Variants in GRIK3 observed in about 807,000 individuals in gnomAD.
GRIK3 encodes glutamate ionotropic receptor kainate type subunit 3.
A neutral mutation model predicts 102.5 loss-of-function variants in GRIK3; 29 were observed. The observed-to-expected ratio is 0.28, with a 90% CI of 0.21 to 0.39. The LOEUF (loss-of-function observed/expected upper bound fraction) is 0.39. Ranked by LOEUF, GRIK3 falls within the 10% of genes least tolerant of loss-of-function variation. The probability of loss-of-function intolerance (pLI) is 1.00; values close to 1 mark genes in which losing one functional copy is unlikely to be tolerated. For synonymous variants in GRIK3, 511 were observed against 504.9 expected (o/e 1.01, Z -0.16); for missense variants, 908 against 1,252.4 (o/e 0.73, Z 4.15).
chr1:36,872,271 A>G lies in GRIK3; in HGVS notation c.649T>C (p.Leu217=). 7 of 1,613,302 alleles carry G rather than the reference A, an allele frequency of 4.3e-6. No homozygotes were observed. Among genetic ancestry groups the G allele is most frequent in the Non-Finnish European group, 5.9e-6 (7 of 1,179,628 alleles). The change falls in exon 4 of 16, where the codon TTG becomes CTG. Residue 217 remains leucine (L), a synonymous_variant. Transcript: ENST00000373091. This position sits in a 1 kb window ranked among gnomAD's most constrained non-coding sequence, Gnocchi z 5.9. ...CGGCCTCGCTTCATCTCCTTGAGCAAGGGGCGCGAGTCGTCAGAGTCGATG... is the reference window on the plus strand; with the variant it reads ...CGGCCTCGCTTCATCTCCTTGAGCAGGGGGCGCGAGTCGTCAGAGTCGATG... ...LPIDSDDSRP[L]LKEMKRGREF...
At chr1:36,982,335 C>T (rs1642258565) in intron 1 of GRIK3, among the ~76,000 whole-genome samples, 1 of 152,206 alleles carries the variant, frequency 6.6e-6, no homozygotes, top group South Asian at 2.1e-4. Flanking sequence ...ACTGCTCCCA[C>T]AGCTTCTGGA....
At chr1:36,961,551 C>G (rs754194927) in intron 1 of GRIK3, among the ~76,000 whole-genome samples, 4 of 152,206 alleles carry the variant, frequency 2.6e-5, no homozygotes, top group Admixed American at 6.5e-5. Flanking sequence ...GCCCCAGGCA[C>G]AGCCCTGGGG....
intron 1 of GRIK3, among the ~76,000 whole-genome samples, chr1:36,943,090 T>C (rs910222357): frequency 1.3e-5 from 2 of 152,298 alleles, no homozygotes; most frequent in Admixed American, 1.3e-4. Context: ...TGTCCCTTTT[T>C]AGAGCTAAGG....
At chr1:36,812,065 G>A (rs969757424) in intron 13 of GRIK3, among the ~76,000 whole-genome samples, 4 of 152,094 alleles carry the variant, frequency 2.6e-5, no homozygotes, top group Non-Finnish European at 4.4e-5. Flanking sequence ...CTTGAAGGCA[G>A]GGCTAAGACT....
chr1:36,862,386 A>G (rs988987194), intron 5 of GRIK3, among the ~76,000 whole-genome samples: 7 of 151,912 alleles, frequency 4.6e-5, no homozygotes, highest in Non-Finnish European at 1.0e-4. Flanking sequence ...TCTATGTTCT[A>G]TGTCCTCGGT....
At chr1:36,882,051 C>T (rs966244098) in intron 2 of GRIK3, among the ~76,000 whole-genome samples, 6 of 152,098 alleles carry the variant, frequency 3.9e-5, no homozygotes, top group Admixed American at 1.3e-4. Context: ...GAGGCCTTCA[C>T]CGCACAATTT....
intron 1 of GRIK3, among the ~76,000 whole-genome samples, chr1:36,972,247 T>A (rs1642151220): frequency 1.3e-5 from 2 of 152,178 alleles, no homozygotes; most frequent in Admixed American, 1.3e-4. Flanking sequence ...ACTTCAGTGG[T>A]CTGGAACCTC....
At chr1:36,990,939 C>G (rs1302700785) in intron 1 of GRIK3, among the ~76,000 whole-genome samples, 1 of 152,198 alleles carries the variant, frequency 6.6e-6, no homozygotes, top group Non-Finnish European at 1.5e-5. Context: ...TTTACCTCCA[C>G]AGTCAGTGTG....
At chr1:36,883,878 C>T (rs900443410) in intron 2 of GRIK3, among the ~76,000 whole-genome samples, 1 of 152,234 alleles carries the variant, frequency 6.6e-6, no homozygotes, top group Non-Finnish European at 1.5e-5. Context: ...ACTCCCACTG[C>T]CTCCTGGAAA....
At chr1:37,017,471 T>C (rs1041260698) in intron 1 of GRIK3, among the ~76,000 whole-genome samples, 7 of 151,890 alleles carry the variant, frequency 4.6e-5, no homozygotes, top group Non-Finnish European at 8.8e-5. Flanking sequence ...CTTAAGAGTA[T>C]TCTTCACAAC....
intron 1 of GRIK3, among the ~76,000 whole-genome samples, chr1:37,022,199 G>C (rs1284836988): frequency 2.6e-5 from 4 of 152,224 alleles, no homozygotes; most frequent in African/African-American, 9.6e-5. Context: ...AGCCAGTGAT[G>C]TGGTAAAGAC....
chr1:36,954,568 G>T (rs1229821355), intron 1 of GRIK3, among the ~76,000 whole-genome samples: 1 of 152,192 alleles, frequency 6.6e-6, no homozygotes, highest in East Asian at 1.9e-4. Context: ...TTGGGGTGGG[G>T]ACGGGGGCTG....
chr1:36,816,052 A>C (rs1039666069), intron 13 of GRIK3, among the ~76,000 whole-genome samples: 1 of 152,130 alleles, frequency 6.6e-6, no homozygotes, highest in Non-Finnish European at 1.5e-5. Flanking sequence ...CCTGGCCTGC[A>C]AGCTGTGTTT....
chr1:36,831,932 C>T (rs1020438959), intron 10 of GRIK3, among the ~76,000 whole-genome samples: 2 of 152,148 alleles, frequency 1.3e-5, no homozygotes, highest in Non-Finnish European at 2.9e-5. Context: ...CCTCTTACCT[C>T]CGGATGCTGC....
intron 1 of GRIK3, among the ~76,000 whole-genome samples, chr1:36,917,976 T>TA (rs1194681559): frequency 2.6e-5 from 4 of 152,182 alleles, no homozygotes; most frequent in African/African-American, 9.7e-5. Flanking sequence ...AGCAGCTGCA[T>TA]TTGCAGAACT....
chr1:36,947,530 C>T (rs896013081), intron 1 of GRIK3, among the ~76,000 whole-genome samples: 2 of 152,168 alleles, frequency 1.3e-5, no homozygotes, highest in Non-Finnish European at 2.9e-5. Flanking sequence ...CCCCACCTTC[C>T]TGCCCTCCCT....
intron 11 of GRIK3, among the ~76,000 whole-genome samples, chr1:36,825,273 G>A (rs925826214): frequency 1.6e-4 from 24 of 152,124 alleles, no homozygotes; most frequent in African/African-American, 5.8e-4. Context: ...GCTGCACCAG[G>A]TGCCTAGCTC....
At chr1:37,020,034 C>T (rs559388346) in intron 1 of GRIK3, among the ~76,000 whole-genome samples, 11 of 152,348 alleles carry the variant, frequency 7.2e-5, no homozygotes, top group Middle Eastern at 6.8e-3. Flanking sequence ...GCAAGTGAAA[C>T]AATTCCTCTG....
Position 36,805,031 on chromosome 1 carries a change from C to A in GRIK3, c.2521G>T (p.Gly841Cys). 6.2e-7 allele frequency: 1 copy of A among 1,614,188 alleles called. No individual in the cohort carries two copies. The highest frequency in any genetic ancestry group is 2.2e-5 in the East Asian group (1 of 44,884). The change falls in exon 15 of 16, where the codon GGC (glycine) becomes TGC (cysteine). Residue 841 changes from glycine (G) to cysteine (C), a missense_variant. Gly to Cys is a radical substitution (Grantham distance 159). This residue lies in a region of GRIK3 where 297 missense variants were observed against 362.7 expected (regional missense o/e 0.82). Transcript: ENST00000373091. ...TTGCGGAGCTTGTACACAAACTCGC[C>A]CACGGCCACCAGCACAGAGAGGACC... is the stretch of plus-strand genomic sequence containing the variant. The part of the protein sequence containing the change: ...GLVLSVLVAV[G>C]EFVYKLRKTA...
Sources: gnomAD v4.1 joint callset for allele counts (sites outside exome capture counted in the v4.1 genomes callset) on GRCh38, gnomAD v4.1.1 for gene constraint, gnomAD v4.1.1 regional missense constraint, Gnocchi (gnomAD v3.1) non-coding constraint, MANE v1.5 for transcripts, NCBI Gene and HGNC (gene_info 2026-07-23, HGNC 2026-07-21) for gene names.